SLC38A9: variants seen among roughly 807,000 people sequenced by gnomAD.
SLC38A9 encodes solute carrier family 38 member 9.
Under a neutral mutation model 62.3 loss-of-function variants are expected in SLC38A9, and 48 were observed. The ratio of observed to expected loss-of-function variants is 0.77; its 90% CI spans 0.61 to 0.98. SLC38A9 has a LOEUF of 0.98. Among genes scored for constraint, SLC38A9 ranks in the 50% least tolerant of loss-of-function variants. The pLI is 0.00. For missense variants in SLC38A9, 541 were observed against 679.8 expected (o/e 0.80, Z 2.27); for synonymous variants, 204 against 227.7 (o/e 0.90, Z 0.94).
rs1478522462 is a variant in SLC38A9, at chr5:55,664,822, T to A, written c.568A>T (p.Arg190Ter). 6.4e-7 allele frequency: 1 copy of A among 1,570,686 alleles called. No individual in the cohort carries two copies. Among genetic ancestry groups the A allele is most frequent in the Non-Finnish European group, 8.6e-7 (1 of 1,161,964 alleles). Residue 190 changes from arginine to a stop codon, truncating the protein, a stop_gained, in exon 8 of 16, where the codon AGA becomes TGA. Transcript: ENST00000396865. LOFTEE classifies it high-confidence loss of function. ...TGCCCAAAGGAGCCGAAATAATGTC[T>A]GCAGACATCTGGATATTCCCAGCTA... ...TTSWEYPDVC[R>*]HYFGSFGQWS... is the part of the protein sequence containing the mutation.
In SLC38A9 at chr5:55,645,789, A is replaced by G. The variant is rs35361432; in HGVS notation, c.1167T>C (p.Asn389=). 0.025 allele frequency: 40,233 copies of G among 1,590,334 alleles called. 785 individuals are homozygous for G. Among genetic ancestry groups the G allele is most frequent in the African/African-American group, 0.092 (6,824 of 74,218 alleles). Reference sequence around the variant, plus strand: ...GTCAATTCCAAAGATAATTACTCACATTGTTTTCTTGTTTCTTGTTGTTCT... The same window carrying G: ...GTCAATTCCAAAGATAATTACTCACGTTGTTTTCTTGTTTCTTGTTGTTCT... ...LLKNNKKQEN[N]VRDLCIAYML... Residue 389 remains asparagine, a splice_region_variant and synonymous_variant, in exon 12 of 16, where the codon AAT becomes AAC. Transcript: ENST00000396865.
intron 3 of SLC38A9, chr5:55,696,883 G>GAT (rs1755909628): frequency 6.2e-6 from 1 of 162,418 alleles, no homozygotes; most frequent in African/African-American, 2.4e-5. Flanking sequence ...CCTCCCAGAC[G>GAT]GGGTGGCGGC....
chr5:55,638,324 G>A (rs1163047598), intron 12 of SLC38A9, among the ~76,000 whole-genome samples: 3 of 152,134 alleles, frequency 2.0e-5, no homozygotes, highest in Non-Finnish European at 4.4e-5. Context: ...AGCCTTGAAA[G>A]CCCATTTAAT....
At chr5:55,626,715 T>C in intron 15 of SLC38A9, 56 bp from the exon 16 acceptor site, 1 of 1,447,444 alleles carries the variant, frequency 6.9e-7, no homozygotes, top group East Asian at 2.3e-5. Context: ...CTTTTTACAA[T>C]TAAGGTAAAC....
chr5:55,637,374 A>G (rs1744600875), intron 12 of SLC38A9, among the ~76,000 whole-genome samples: 1 of 152,162 alleles, frequency 6.6e-6, no homozygotes, highest in East Asian at 1.9e-4. Flanking sequence ...GGCACTATAT[A>G]CTTATCTCAA....
intron 3 of SLC38A9, among the ~76,000 whole-genome samples, chr5:55,674,487 A>C (rs935183877): frequency 1.3e-5 from 2 of 152,148 alleles, no homozygotes; most frequent in Non-Finnish European, 2.9e-5. Context: ...TAAAAGAATG[A>C]GTTCAGTTCC....
chr5:55,680,825 C>G (rs1330876570), intron 3 of SLC38A9, among the ~76,000 whole-genome samples: 1 of 152,230 alleles, frequency 6.6e-6, no homozygotes, highest in African/African-American at 2.4e-5. Flanking sequence ...AAGATGATGG[C>G]TGTATTTTCA....
At chr5:55,649,114 G>T in intron 11 of SLC38A9, 93 bp downstream of exon 11, 1 of 574,814 alleles carries the variant, frequency 1.7e-6, no homozygotes, top group Non-Finnish European at 2.7e-6. Context: ...AAAATGCTCA[G>T]CATAAAAAAA....
chr5:55,667,502 A>G (rs1374170993), intron 7 of SLC38A9, among the ~76,000 whole-genome samples: 3 of 152,264 alleles, frequency 2.0e-5, no homozygotes, highest in African/African-American at 7.2e-5. Context: ...GTAGTGAATT[A>G]TGTTGGATTT....
chr5:55,707,747 G>A (rs1757467278), intron 2 of SLC38A9, among the ~76,000 whole-genome samples: 1 of 152,182 alleles, frequency 6.6e-6, no homozygotes, highest in Non-Finnish European at 1.5e-5. Context: ...GAATGTTTGT[G>A]TCCCGTCCAA....
chr5:55,631,129 G>T (rs138643717), intron 14 of SLC38A9, among the ~76,000 whole-genome samples: 2 of 152,000 alleles, frequency 1.3e-5, no homozygotes, highest in African/African-American at 4.8e-5. Context: ...GTGAAACTCC[G>T]TCTCAAAAAA....
intron 3 of SLC38A9, among the ~76,000 whole-genome samples, chr5:55,692,418 A>AT (rs1754877162): frequency 6.6e-6 from 1 of 151,434 alleles, no homozygotes; most frequent in African/African-American, 2.4e-5. Flanking sequence ...GATGAGTTTT[A>AT]TTTATATATG....
chr5:55,639,085 A>G (rs530580137), intron 12 of SLC38A9, among the ~76,000 whole-genome samples: 1 of 152,016 alleles, frequency 6.6e-6, no homozygotes, highest in Non-Finnish European at 1.5e-5. Flanking sequence ...TGGGAGGCCG[A>G]GGCGGGCGGA....
At chr5:55,707,822 A>G (rs1488037016) in intron 2 of SLC38A9, among the ~76,000 whole-genome samples, 1 of 152,170 alleles carries the variant, frequency 6.6e-6, no homozygotes, top group Non-Finnish European at 1.5e-5. Flanking sequence ...TTTGGAGGTA[A>G]TTATGTCAGG....
At chr5:55,691,214 T>A in intron 3 of SLC38A9, 1 of 967,580 alleles carries the variant, frequency 1.0e-6, no homozygotes, top group Non-Finnish European at 1.6e-6. Context: ...AAAATGCAAA[T>A]AGCCATGGAA....
At chr5:55,711,844 C>T (rs571957951) in intron 1 of SLC38A9, among the ~76,000 whole-genome samples, 61 of 152,326 alleles carry the variant, frequency 4.0e-4, no homozygotes, top group African/African-American at 1.4e-3. Flanking sequence ...CTGCAAGTCC[C>T]ACAATTCTCC....
chr5:55,697,656 A>AC (rs1350621755), intron 3 of SLC38A9, among the ~76,000 whole-genome samples, 190 bp downstream of exon 3: 2 of 16,290 alleles, frequency 1.2e-4, no homozygotes, highest in Non-Finnish European at 2.9e-4. Context: ...AGTTTAGTGA[A>AC]AAAAAAAAAA....
At chr5:55,690,888 T>A (rs1267813449) in intron 3 of SLC38A9, among the ~76,000 whole-genome samples, 1 of 152,222 alleles carries the variant, frequency 6.6e-6, no homozygotes, top group Non-Finnish European at 1.5e-5. Context: ...CAGAATCCTT[T>A]TATTCTCTCA....
intron 6 of SLC38A9, 55 bp downstream of exon 6, chr5:55,669,502 A>G: frequency 1.4e-6 from 2 of 1,476,088 alleles, no homozygotes; most frequent in Non-Finnish European, 1.9e-6. Flanking sequence ...TATAAAACTT[A>G]CAATATAAAG....
Sources: allele counts gnomAD v4.1 joint callset (sites outside exome capture counted in the v4.1 genomes callset), GRCh38; gene constraint gnomAD v4.1.1; transcripts MANE v1.5; gene names NCBI Gene and HGNC (gene_info 2026-07-23, HGNC 2026-07-21).